ZEB1: variants seen among roughly 807,000 people sequenced by gnomAD.
ZEB1 encodes zinc finger E-box-binding homeobox 1.
In ZEB1, 21 loss-of-function variants were observed where a neutral mutation model predicts 84.9. The ratio of observed to expected loss-of-function variants is 0.25; its 90% confidence interval spans 0.18 to 0.36. The LOEUF (loss-of-function observed/expected upper bound fraction) is 0.36, where lower values mean the gene tolerates loss of function less well. Among genes scored for constraint, ZEB1 ranks in the 10% least tolerant of loss-of-function variants. The pLI is 1.00. For missense variants in ZEB1, 1,104 were observed against 1,330.2 expected, an observed-to-expected ratio of 0.83 and a Z score of 2.65; for synonymous variants, 420 against 471.1, an observed-to-expected ratio of 0.89 and a Z score of 1.41.
intron 2 of ZEB1, among the ~76,000 whole-genome samples, chr10:31,473,362 C>G (rs1429988831): frequency 6.6e-6 from 1 of 150,438 alleles, no homozygotes; most frequent in African/African-American, 2.4e-5. Context: ...TCAGCAAAGT[C>G]TCAGGATACA....
intron 4 of ZEB1, among the ~76,000 whole-genome samples, chr10:31,509,586 A>G (rs2069604484): frequency 1.3e-5 from 2 of 152,178 alleles, no homozygotes; most frequent in Non-Finnish European, 1.5e-5. Flanking sequence ...TTGACCAACT[A>G]TTTAACATTC....
chr10:31,522,357 A>G (rs963130678), intron 7 of ZEB1, among the ~76,000 whole-genome samples: 3 of 152,238 alleles, frequency 2.0e-5, no homozygotes, highest in African/African-American at 7.2e-5. Flanking sequence ...AGGCAAACTT[A>G]TCTATCACTT....
At chr10:31,322,072 T>C (rs1394530082) in intron 1 of ZEB1, 1 of 162,088 alleles carries the variant, frequency 6.2e-6, no homozygotes, top group African/African-American at 2.4e-5. Flanking sequence ...AAGATAGCAC[T>C]GTACTACTAC....
rs2061453536 is a variant in ZEB1 at position 31,458,245 on chromosome 10, T to C, written c.59-2792T>C. On this transcript the variant is annotated intron_variant, in intron 1 of 8. Coordinates refer to ENST00000424869, the MANE Select transcript of ZEB1 (RefSeq NM_001174096.2). Reference sequence around the variant, plus strand: ...ATGACTTTATCAAGTAGGTTGCTAATAAGTACTGAAAGTAAAAATGAAAGT... The same window carrying C: ...ATGACTTTATCAAGTAGGTTGCTAACAAGTACTGAAAGTAAAAATGAAAGT... 2.0e-5 allele frequency among the ~76,000 whole-genome samples: 3 copies of C among 151,994 alleles called. No individual in the cohort carries two copies. The South Asian group carries it at 6.2e-4, about 31-fold the overall frequency.
At chr10:31,427,475 T>A (rs936103210) in intron 1 of ZEB1, among the ~76,000 whole-genome samples, 4 of 152,130 alleles carry the variant, frequency 2.6e-5, no homozygotes, top group African/African-American at 9.7e-5. Context: ...TGACTCACTC[T>A]CTTTCTCTCC....
At chr10:31,356,198 C>T (rs1254738700) in intron 1 of ZEB1, among the ~76,000 whole-genome samples, 1 of 151,966 alleles carries the variant, frequency 6.6e-6, no homozygotes, top group African/African-American at 2.4e-5. Flanking sequence ...AAACATCGTT[C>T]CTTAAAAAAT....
rs1439376664 is a variant in ZEB1, at chr10:31,521,041, C to T, written c.1709C>T (p.Pro570Leu). ...CTCCCTGCAGCAGAAGCTGAGAAGCCTGAGTCCTCTGTTTCATCAGCTACT... is the reference window on the plus strand; with the variant it reads ...CTCCCTGCAGCAGAAGCTGAGAAGCTTGAGTCCTCTGTTTCATCAGCTACT... ...PPLPAAEAEK[P>L]ESSVSSATGD... Residue 570 changes from proline to leucine, a missense_variant, in exon 7 of 9, where the codon CCT (proline) becomes CTT (leucine). Coordinates refer to ENST00000424869, the MANE Select transcript of ZEB1 (RefSeq NM_001174096.2). The T allele has an allele frequency of 1.2e-6, 2 of 1,614,064 alleles. No individual in the cohort carries two copies. The highest frequency in any genetic ancestry group is 1.3e-5 in the African/African-American group (1 of 75,028).
At chr10:31,513,404 G>A (rs1275120754) in intron 5 of ZEB1, among the ~76,000 whole-genome samples, 1 of 152,194 alleles carries the variant, frequency 6.6e-6, no homozygotes. Context: ...TGTTAATCAT[G>A]TTAAGTTTCA....
rs189935104 is a variant in ZEB1 at position 31,498,859 on chromosome 10, G to A, written c.322+3021G>A. On this transcript the variant is annotated intron_variant, in intron 3 of 8. Transcript: ENST00000424869. ...ATGCACTATAGAATTTTATGCAAAC[G>A]TATATTAATTACTTCATAAACAGTA... Among the ~76,000 whole-genome samples the A allele has an allele frequency of 2.9e-3, 443 of 151,644 alleles. 2 individuals carry two copies. Among genetic ancestry groups the A allele is most frequent in the Admixed American group, 6.1e-3 (93 of 15,222 alleles).
chr10:31,457,042 G>A (rs1404163482), intron 1 of ZEB1, among the ~76,000 whole-genome samples: 1 of 151,988 alleles, frequency 6.6e-6, no homozygotes, highest in African/African-American at 2.4e-5. Flanking sequence ...ATTATCTAAA[G>A]TCATGTTTAA....
intron 1 of ZEB1, among the ~76,000 whole-genome samples, chr10:31,426,984 A>G (rs996015963): frequency 6.6e-6 from 1 of 152,120 alleles, no homozygotes; most frequent in Non-Finnish European, 1.5e-5. Context: ...TTCTTAAATC[A>G]TCTTTTTTAT....
chr10:31,452,742 T>TGTGTGTGTGAGA (rs1387786622), intron 1 of ZEB1, among the ~76,000 whole-genome samples: 48 of 90,806 alleles, frequency 5.3e-4, no homozygotes, highest in African/African-American at 1.4e-3. Flanking sequence ...TGTGTGTGTG[T>TGTGTGTGTGAGA]GAGAGAGAGA....
At chr10:31,328,036 A>G (rs908032714) in intron 1 of ZEB1, among the ~76,000 whole-genome samples, 2 of 152,138 alleles carry the variant, frequency 1.3e-5, no homozygotes, top group African/African-American at 2.4e-5. Context: ...ATAATCCCCA[A>G]CGTTTCAGTC....
At chr10:31,450,632 C>T (rs893751247) in intron 1 of ZEB1, among the ~76,000 whole-genome samples, 6 of 152,092 alleles carry the variant, frequency 3.9e-5, no homozygotes, top group African/African-American at 9.7e-5. Context: ...CTTTATCTTA[C>T]AAATGCCTGT....
rs1246906484 is a variant in ZEB1 at position 31,527,410 on chromosome 10, AAAACAC to A, written c.*148_*153del. The A allele has an allele frequency of 3.9e-6, 3 of 775,768 alleles. No individual in the cohort carries two copies. Among genetic ancestry groups the A allele is most frequent in the African/African-American group, 4.8e-5 (2 of 41,780 alleles). The allele number at this position is 775,768 out of a possible 1,614,324, so 48.1% of individuals were successfully genotyped here. ...TAAAAACTAAAAAAATACAAAATACAAAACACACACACACACACACACACACACACA... is the reference window on the plus strand; with the variant it reads ...TAAAAACTAAAAAAATACAAAATACAACACACACACACACACACACACACA... On this transcript the variant is annotated 3_prime_UTR_variant, in exon 9 of 9. Transcript: ENST00000424869.
At chr10:31,374,599 A>G (rs960218764) in intron 1 of ZEB1, among the ~76,000 whole-genome samples, 12 of 151,824 alleles carry the variant, frequency 7.9e-5, no homozygotes, top group Admixed American at 5.9e-4. Flanking sequence ...ATAAAATGGC[A>G]TAAGTTCCTA....
chr10:31,505,455 C>T (rs927521532), intron 4 of ZEB1, among the ~76,000 whole-genome samples: 6 of 152,010 alleles, frequency 3.9e-5, no homozygotes, highest in Non-Finnish European at 8.8e-5. Flanking sequence ...AATCTCATTA[C>T]TCATTATTGG....
At chr10:31,490,979 C>G (rs2066446894) in intron 2 of ZEB1, among the ~76,000 whole-genome samples, 1 of 151,734 alleles carries the variant, frequency 6.6e-6, no homozygotes, top group South Asian at 2.1e-4. Context: ...CCTTCATGTA[C>G]CACCCAGGGT....
intron 1 of ZEB1, among the ~76,000 whole-genome samples, chr10:31,384,617 T>C (rs1281480352): frequency 1.3e-5 from 2 of 152,212 alleles, no homozygotes; most frequent in South Asian, 2.1e-4. Flanking sequence ...AGGGAAGTTT[T>C]GTAGGGAACT....
Sources: allele counts gnomAD v4.1 joint callset (sites outside exome capture counted in the v4.1 genomes callset), GRCh38; gene constraint gnomAD v4.1.1; transcripts MANE v1.5; gene names NCBI Gene and HGNC (gene_info 2026-07-23, HGNC 2026-07-21).